Variants in RIPOR2 observed in about 807,000 individuals in gnomAD.
The protein encoded by RIPOR2 is RHO family interacting cell polarization regulator 2, also known as rho family-interacting cell polarization regulator 2.
A neutral mutation model predicts 114.5 loss-of-function variants in RIPOR2; 39 were observed. That is an observed-to-expected ratio of 0.34 (90% CI 0.26 to 0.44). The LOEUF (loss-of-function observed/expected upper bound fraction) is 0.44, where lower values mean the gene tolerates loss of function less well. RIPOR2 is among the 20% of genes least tolerant of loss of function. The pLI is 1.00. For missense variants in RIPOR2, 1,007 were observed against 1,255.1 expected (o/e 0.80, Z 2.99); for synonymous variants, 445 against 484.4 (o/e 0.92, Z 1.07).
chr6:24,997,044 A>T (rs1056741048), intron 1 of RIPOR2, among the ~76,000 whole-genome samples: 6 of 152,210 alleles, frequency 3.9e-5, no homozygotes, highest in East Asian at 1.9e-4. Flanking sequence ...CACAGTTTCA[A>T]ATGTGAATTA....
At chr6:24,870,464 T>G (rs576404124) in intron 5 of RIPOR2, among the ~76,000 whole-genome samples, 2 of 152,346 alleles carry the variant, frequency 1.3e-5, no homozygotes, top group South Asian at 4.1e-4. Flanking sequence ...AGGATTTTAC[T>G]GTCTCTAAGA....
intron 1 of RIPOR2, among the ~76,000 whole-genome samples, chr6:24,995,491 C>T (rs573016097): frequency 2.0e-5 from 3 of 152,298 alleles, no homozygotes; most frequent in East Asian, 1.9e-4. Context: ...CTGCCAATCC[C>T]GGCAACTCAA....
chr6:24,959,128 T>A (rs1773187753), intron 1 of RIPOR2, among the ~76,000 whole-genome samples: 1 of 152,064 alleles, frequency 6.6e-6, no homozygotes, highest in African/African-American at 2.4e-5. Context: ...TCTGCTTCCA[T>A]CTTCACATGG....
intron 1 of RIPOR2, among the ~76,000 whole-genome samples, chr6:24,995,410 T>G (rs919147210): frequency 4.6e-5 from 7 of 152,156 alleles, no homozygotes; most frequent in African/African-American, 7.2e-5. Context: ...GTGGCATCAC[T>G]GGGGGAAGGG....
chr6:24,976,824 T>A, intron 1 of RIPOR2: 1 of 1,610,998 alleles, frequency 6.2e-7, no homozygotes, highest in Non-Finnish European at 8.5e-7. Flanking sequence ...CAGTTTTTCA[T>A]CTGCACTGCC....
chr6:25,026,958 T>C (rs533825982), intron 1 of RIPOR2, among the ~76,000 whole-genome samples: 54 of 152,328 alleles, frequency 3.5e-4, no homozygotes, highest in Middle Eastern at 3.4e-3. Context: ...GAGTCTGTGC[T>C]GATTTGCTGA....
intron 1 of RIPOR2, among the ~76,000 whole-genome samples, chr6:24,974,827 T>C (rs1379879635): frequency 1.3e-5 from 2 of 152,210 alleles, no homozygotes; most frequent in African/African-American, 4.8e-5. Context: ...GTAAGAGGTA[T>C]TGATACACGC....
chr6:25,016,623 G>C (rs1776017524), intron 1 of RIPOR2, among the ~76,000 whole-genome samples: 1 of 152,186 alleles, frequency 6.6e-6, no homozygotes, highest in African/African-American at 2.4e-5. Flanking sequence ...ACTAGAGATG[G>C]AGTTAGCGTC....
intron 13 of RIPOR2, chr6:24,840,916 C>A (rs913610513): frequency 9.0e-6 from 7 of 777,654 alleles, no homozygotes; most frequent in Non-Finnish European, 1.2e-5. Context: ...GACAGGGAGT[C>A]GGTCTTGACT....
chr6:24,952,902 G>A (rs1201581217), intron 1 of RIPOR2, among the ~76,000 whole-genome samples: 1 of 152,214 alleles, frequency 6.6e-6, no homozygotes, highest in Non-Finnish European at 1.5e-5. Context: ...TAACGCAGTA[G>A]GGGAAAGTGC....
chr6:24,900,577 GT>G (rs1477883872), intron 1 of RIPOR2, among the ~76,000 whole-genome samples: 2 of 152,002 alleles, frequency 1.3e-5, no homozygotes, highest in African/African-American at 4.8e-5. Context: ...GGCCAACATG[GT>G]GAAACCCCAT....
chr6:25,003,940 T>C (rs1180033625), intron 1 of RIPOR2, among the ~76,000 whole-genome samples: 1 of 152,230 alleles, frequency 6.6e-6, no homozygotes, highest in Non-Finnish European at 1.5e-5. Flanking sequence ...CACTCTTCTT[T>C]CATTTGTCAT....
rs1763739703 is a variant in RIPOR2, at chr6:24,858,719, T to C, written c.715+2254A>G. Among the ~76,000 whole-genome samples the C allele has an allele frequency of 6.6e-6, 1 of 152,062 alleles. No homozygotes were observed. The highest frequency in any genetic ancestry group is 2.1e-4 in the South Asian group (1 of 4,822). ...AGAAACCAAGCGTTCAGGTGGACTC[T>C]CAGGAACATCAGGCAGGAGAGCAAG... On this transcript the variant is annotated intron_variant, in intron 8 of 21. Transcript: ENST00000643898. The surrounding 1 kb of genome is among the most constrained non-coding windows in gnomAD (Gnocchi z 4.0).
chr6:25,004,286 GCA>G (rs1158941193), intron 1 of RIPOR2, among the ~76,000 whole-genome samples: 1 of 152,104 alleles, frequency 6.6e-6, no homozygotes, highest in South Asian at 2.1e-4. Flanking sequence ...AAAGAACAAG[GCA>G]CAGACAGGCT....
intron 8 of RIPOR2, among the ~76,000 whole-genome samples, chr6:24,859,090 G>A (rs1763804160): frequency 6.6e-6 from 1 of 152,156 alleles, no homozygotes; most frequent in Admixed American, 6.6e-5. Flanking sequence ...CTGGAATTCA[G>A]TTTCTTGTCT....
rs564526784 is a variant in RIPOR2 at position 25,037,390 on chromosome 6, G to A, written c.76+4461C>T. Among the ~76,000 whole-genome samples, 15 of 152,102 alleles carry A rather than the reference G, an allele frequency of 9.9e-5. No homozygotes were observed. The highest frequency in any genetic ancestry group is 1.9e-4 in the Non-Finnish European group (13 of 68,024). ...TGCCCACCCCTCATTCCCGTGCCCT[G>A]CCCTGACCCTGCTGTCATCATGTAG... On this transcript the variant is annotated intron_variant, in intron 1 of 13. Coordinates refer to the RIPOR2 transcript ENST00000510784. This position sits in a 1 kb window ranked among gnomAD's most constrained non-coding sequence, Gnocchi z 4.5.
intron 13 of RIPOR2, chr6:24,840,151 A>G (rs1761547097): frequency 2.0e-5 from 16 of 819,990 alleles, no homozygotes; most frequent in Non-Finnish European, 2.4e-5. Context: ...GGGTCTCCCT[A>G]TGTTGACCAT....
chr6:24,928,367 T>C lies in RIPOR2; in HGVS notation c.61+7471A>G, dbSNP rs116490176. Among the ~76,000 whole-genome samples the C allele has an allele frequency of 6.1e-3, 927 of 152,328 alleles. 5 individuals are homozygous for C. Among genetic ancestry groups the C allele is most frequent in the African/African-American group, 0.021 (868 of 41,574 alleles). On this transcript the variant is annotated intron_variant, in intron 1 of 21. Transcript: ENST00000643898. ...ACCATTCTACTAGTGTATTTTGCTG[T>C]TATAAATAGAAAGAAAATTCCCACC...
At chr6:25,007,234 A>G (rs1006697357) in intron 1 of RIPOR2, among the ~76,000 whole-genome samples, 4 of 152,164 alleles carry the variant, frequency 2.6e-5, no homozygotes, top group Non-Finnish European at 5.9e-5. Context: ...AACAGAGGCT[A>G]TTCTGTGTCT....
Sources: allele counts gnomAD v4.1 joint callset (sites outside exome capture counted in the v4.1 genomes callset), GRCh38; gene constraint gnomAD v4.1.1; non-coding constraint Gnocchi (gnomAD v3.1); transcripts MANE v1.5; gene names NCBI Gene and HGNC (gene_info 2026-07-23, HGNC 2026-07-21).